The following KSR2 variants were observed in gnomAD, a reference collection of about 807,000 sequenced individuals.
KSR2 encodes kinase suppressor of ras 2.
In KSR2, 25 loss-of-function variants were observed where a neutral mutation model predicts 107.8. That is an observed-to-expected ratio of 0.23 (90% CI 0.17 to 0.32). The LOEUF (loss-of-function observed/expected upper bound fraction) is 0.32. Among genes scored for constraint, KSR2 ranks in the 10% least tolerant of loss-of-function variants. The probability of loss-of-function intolerance (pLI) is 1.00; values close to 1 mark genes in which losing one functional copy is unlikely to be tolerated. For synonymous variants in KSR2, 480 were observed against 507.0 expected, an observed-to-expected ratio of 0.95 and a Z score of 0.71; for missense variants, 887 against 1,268.9, an observed-to-expected ratio of 0.70 and a Z score of 4.57.
In KSR2 at chr12:117,670,321, T is replaced by A. The variant is rs74822589; in HGVS notation, c.987-2663A>T. 8.6e-3 allele frequency among the ~76,000 whole-genome samples: 1,305 copies of A among 152,346 alleles called. 18 individuals carry two copies. The highest frequency in any genetic ancestry group is 0.03 in the African/African-American group (1,241 of 41,572). Reference sequence around the variant, plus strand: ...GACTGTATCAAGTGCTTTTCATGTATGACCTCACTTAAGCGCCATGGTAAC... The same window carrying A: ...GACTGTATCAAGTGCTTTTCATGTAAGACCTCACTTAAGCGCCATGGTAAC... On this transcript the variant is annotated intron_variant, in intron 4 of 19. Transcript: ENST00000339824.
At chr12:117,859,525 T>G (rs1893217153) in intron 2 of KSR2, among the ~76,000 whole-genome samples, 1 of 147,428 alleles carries the variant, frequency 6.8e-6, no homozygotes, top group Admixed American at 6.8e-5. Context: ...GGCATGATCA[T>G]AGCTCACTGT....
chr12:117,648,677 C>G (rs1249794923), intron 5 of KSR2, among the ~76,000 whole-genome samples: 1 of 152,164 alleles, frequency 6.6e-6, no homozygotes, highest in Non-Finnish European at 1.5e-5. Flanking sequence ...GAAACTGAGG[C>G]TTGAATATTT....
At chr12:117,966,175 C>G (rs576265190) in intron 1 of KSR2, among the ~76,000 whole-genome samples, 8 of 152,218 alleles carry the variant, frequency 5.3e-5, no homozygotes, top group African/African-American at 1.9e-4. Context: ...ACATCCCCAT[C>G]CAGGAAGCTA....
chr12:117,596,198 A>G (rs1880635493), intron 5 of KSR2, among the ~76,000 whole-genome samples: 1 of 152,200 alleles, frequency 6.6e-6, no homozygotes, highest in South Asian at 2.1e-4. Context: ...GGAAGGCGAA[A>G]GGCACGTCTT....
chr12:117,502,177 A>G (rs941987940), intron 14 of KSR2, among the ~76,000 whole-genome samples: 2 of 152,240 alleles, frequency 1.3e-5, no homozygotes, highest in African/African-American at 4.8e-5. Context: ...TTATGCACAC[A>G]TGAACACACA....
intron 1 of KSR2, among the ~76,000 whole-genome samples, chr12:117,952,170 C>T (rs1020638177): frequency 2.6e-5 from 4 of 151,238 alleles, no homozygotes; most frequent in Admixed American, 2.0e-4. Context: ...CACACACACA[C>T]ACACACACAC....
At chr12:117,663,289 A>T (rs1884517169) in intron 5 of KSR2, among the ~76,000 whole-genome samples, 1 of 152,206 alleles carries the variant, frequency 6.6e-6, no homozygotes. Context: ...TGACCTTGTG[A>T]CCTTGGGCCA....
rs191015012 is a variant in KSR2 at position 117,708,764 on chromosome 12, T to C, written c.987-41106A>G. Among the ~76,000 whole-genome samples the C allele has an allele frequency of 3.7e-3, 557 of 152,324 alleles. 1 individual carries two copies. Among genetic ancestry groups the C allele is most frequent in the African/African-American group, 0.013 (523 of 41,576 alleles). ...TCCGGCAGGAGACCTGGCTGTAAGG[T>C]TGGCTAAGGCCTCTGTTGAGACTGC... On this transcript the variant is annotated intron_variant, in intron 4 of 19. Coordinates refer to ENST00000339824, the MANE Select transcript of KSR2 (RefSeq NM_173598.6).
intron 5 of KSR2, among the ~76,000 whole-genome samples, chr12:117,588,992 T>C (rs997744660): frequency 5.9e-5 from 9 of 152,202 alleles, no homozygotes; most frequent in African/African-American, 1.9e-4. Context: ...TTTGTATCCA[T>C]AGTTTACAGA....
intron 1 of KSR2, among the ~76,000 whole-genome samples, chr12:117,937,662 C>T (rs781497848): frequency 2.6e-5 from 4 of 151,852 alleles, no homozygotes; most frequent in African/African-American, 4.8e-5. Flanking sequence ...ATCCCTTTGT[C>T]TCCAGATGAG....
At chr12:117,556,422 T>A (rs980563945) in intron 8 of KSR2, among the ~76,000 whole-genome samples, 14 of 152,240 alleles carry the variant, frequency 9.2e-5, no homozygotes, top group African/African-American at 3.4e-4. Context: ...CCTCATTGAG[T>A]GTATACAGTT....
chr12:117,941,201 G>T (rs571740816), intron 1 of KSR2, among the ~76,000 whole-genome samples: 29 of 151,982 alleles, frequency 1.9e-4, no homozygotes, highest in African/African-American at 6.8e-4. Flanking sequence ...TCTCTAAATG[G>T]ATGCTGCCCA....
intron 7 of KSR2, among the ~76,000 whole-genome samples, chr12:117,576,348 G>A (rs1351708325): frequency 1.3e-5 from 2 of 152,174 alleles, no homozygotes; most frequent in Admixed American, 1.3e-4. Context: ...GAGAAAATCA[G>A]TCAGCCTGGA....
intron 4 of KSR2, among the ~76,000 whole-genome samples, chr12:117,733,678 G>C (rs1276867282): frequency 6.6e-6 from 1 of 152,114 alleles, no homozygotes; most frequent in Non-Finnish European, 1.5e-5. Flanking sequence ...TCAGAACATT[G>C]TTCCTGGCTC....
intron 3 of KSR2, among the ~76,000 whole-genome samples, chr12:117,824,937 T>C (rs1891689377): frequency 1.3e-5 from 2 of 151,532 alleles, no homozygotes; most frequent in Admixed American, 6.6e-5. Context: ...CCTAGCACTT[T>C]GGGAGGCTGA....
chr12:117,758,210 G>A (rs777877259), intron 4 of KSR2, among the ~76,000 whole-genome samples: 46 of 152,158 alleles, frequency 3.0e-4, no homozygotes, highest in Admixed American at 3.3e-4. Context: ...TTAGACCCAG[G>A]TAAATGATGA....
chr12:117,750,729 G>A (rs1460084602), intron 4 of KSR2, among the ~76,000 whole-genome samples: 1 of 151,912 alleles, frequency 6.6e-6, no homozygotes, highest in Admixed American at 6.6e-5. Flanking sequence ...CAAATGTGTA[G>A]CTCCCACTTA....
intron 16 of KSR2, among the ~76,000 whole-genome samples, chr12:117,479,957 C>G (rs1210586998): frequency 6.6e-6 from 1 of 151,998 alleles, no homozygotes; most frequent in Non-Finnish European, 1.5e-5. Flanking sequence ...TAAAATGAGA[C>G]AGTGCGTGGC....
At chr12:117,576,440 A>G (rs1438501571) in intron 7 of KSR2, among the ~76,000 whole-genome samples, 1 of 152,230 alleles carries the variant, frequency 6.6e-6, no homozygotes, top group East Asian at 1.9e-4. Context: ...GGACCAAGGC[A>G]AGGAAGGTGG....
Sources: gnomAD v4.1 joint callset for allele counts (sites outside exome capture counted in the v4.1 genomes callset) on GRCh38, gnomAD v4.1.1 for gene constraint, MANE v1.5 for transcripts, NCBI Gene and HGNC (gene_info 2026-07-23, HGNC 2026-07-21) for gene names.